The following RPS6KA2 variants were observed in gnomAD, a reference collection of about 807,000 sequenced individuals.
The protein encoded by RPS6KA2 is ribosomal protein S6 kinase alpha-2.
Under a neutral mutation model 91.8 loss-of-function variants are expected in RPS6KA2, and 42 were observed. The observed-to-expected ratio is 0.46, with a 90% CI of 0.36 to 0.59. RPS6KA2 has a LOEUF of 0.59. Among genes scored for constraint, RPS6KA2 ranks in the 20% least tolerant of loss-of-function variants. RPS6KA2 has a pLI of 0.00. For missense variants in RPS6KA2, 798 were observed against 978.5 expected, an observed-to-expected ratio of 0.82 and a Z score of 2.46; for synonymous variants, 414 against 393.6, an observed-to-expected ratio of 1.05 and a Z score of -0.61.
chr6:166,560,675 G>A (rs555512445), intron 1 of RPS6KA2, among the ~76,000 whole-genome samples: 1 of 152,226 alleles, frequency 6.6e-6, no homozygotes, highest in Admixed American at 6.5e-5. Context: ...CGCTTGGTGG[G>A]AGGGGAGGGA....
intron 2 of RPS6KA2, among the ~76,000 whole-genome samples, chr6:166,742,539 C>T (rs796706043): frequency 8.5e-5 from 13 of 152,292 alleles, no homozygotes; most frequent in African/African-American, 2.4e-4. Flanking sequence ...GACACAAACA[C>T]GAGGAGCTGT....
intron 3 of RPS6KA2, among the ~76,000 whole-genome samples, chr6:166,517,458 T>G (rs1782690402): frequency 2.5e-4 from 4 of 16,290 alleles, no homozygotes; most frequent in South Asian, 2.1e-3. Flanking sequence ...TTGTTTTGTT[T>G]TTTTTTTTTT....
In RPS6KA2 at chr6:166,733,864, G is replaced by C. The variant is rs1404822668; in HGVS notation, c.123+124336C>G. On this transcript the variant is annotated intron_variant, in intron 2 of 21. Transcript: ENST00000503859. This position sits in a 1 kb window ranked among gnomAD's most constrained non-coding sequence, Gnocchi z 4.1. ...TATGAGCAGGTTTACAGGCTGAACA[G>C]AGTAAACCAATAGAAAGAGAAATGG... Among the ~76,000 whole-genome samples the C allele has an allele frequency of 6.6e-6, 1 of 152,224 alleles. No individual in the cohort carries two copies. Among genetic ancestry groups the C allele is most frequent in the Non-Finnish European group, 1.5e-5 (1 of 68,034 alleles).
chr6:166,493,460 G>A lies in RPS6KA2; in HGVS notation c.748-2719C>T, dbSNP rs1444697929. ...TTTACAGTAAGACTTTTGCTGTGTT[G>A]CTGAGCAGCACTGAGACTTGCCAAG... On this transcript the variant is annotated intron_variant, in intron 8 of 20. Transcript: ENST00000265678. This position sits in a 1 kb window ranked among gnomAD's most constrained non-coding sequence, Gnocchi z 4.7. 6.6e-6 allele frequency among the ~76,000 whole-genome samples: 1 copy of A among 152,168 alleles called. No homozygotes were observed. The highest frequency in any genetic ancestry group is 1.5e-5 in the Non-Finnish European group (1 of 68,028).
At chr6:166,596,287 G>A (rs148008323) in intron 1 of RPS6KA2, among the ~76,000 whole-genome samples, 34 of 152,342 alleles carry the variant, frequency 2.2e-4, no homozygotes, top group African/African-American at 7.5e-4. Flanking sequence ...TGGATTGAAG[G>A]ATGCAAAGTA....
At chr6:166,728,351 A>T (rs919796253) in intron 2 of RPS6KA2, among the ~76,000 whole-genome samples, 4 of 152,192 alleles carry the variant, frequency 2.6e-5, no homozygotes, top group African/African-American at 9.7e-5. Context: ...AATTCCCATG[A>T]CCTGGACGCA....
chr6:166,718,901 A>G (rs1790095174), intron 2 of RPS6KA2, among the ~76,000 whole-genome samples: 1 of 152,254 alleles, frequency 6.6e-6, no homozygotes, highest in Non-Finnish European at 1.5e-5. Context: ...TTAAAAGTCT[A>G]ACCATTAGAT....
intron 2 of RPS6KA2, among the ~76,000 whole-genome samples, chr6:166,832,036 TGATAGATAGATAGATAGATAGATAGATA>T (rs58214863): frequency 6.8e-6 from 1 of 147,938 alleles, no homozygotes; most frequent in African/African-American, 2.5e-5. Flanking sequence ...AGATGATACA[TGATAGATAGATAGATAGATAGATAGATA>T]GATAGATAGA....
intron 1 of RPS6KA2, among the ~76,000 whole-genome samples, chr6:166,613,237 C>G (rs1265171402): frequency 6.6e-6 from 1 of 152,206 alleles, no homozygotes; most frequent in African/African-American, 2.4e-5. Flanking sequence ...TTTCATAGAC[C>G]TGCTGATTTG....
Position 166,412,765 on chromosome 6 carries a change from C to T in RPS6KA2, c.2199G>A (p.Leu733=). Residue 733 remains leucine (L), a synonymous_variant, in exon 21 of 21, where the codon CTG becomes CTA. Transcript: ENST00000265678. The surrounding 1 kb of genome is among the most constrained non-coding windows in gnomAD (Gnocchi z 4.3). Reference sequence around the variant, plus strand: ...GCTGGGGCCAGGGTCCCACCCGCTACAGCCGCGTGGACGTGAGTCTCTTCA... The same window carrying T: ...GCTGGGGCCAGGGTCCCACCCGCTATAGCCGCGTGGACGTGAGTCTCTTCA... ...RGMKRLTSTR[L] is the part of the protein sequence containing the mutation. 6.3e-7 allele frequency: 1 copy of T among 1,598,752 alleles called. No individual in the cohort carries two copies. Among genetic ancestry groups the T allele is most frequent in the Non-Finnish European group, 8.5e-7 (1 of 1,174,734 alleles).
At chr6:166,682,728 T>A (rs770385972) in intron 2 of RPS6KA2, among the ~76,000 whole-genome samples, 8 of 152,150 alleles carry the variant, frequency 5.3e-5, no homozygotes, top group Non-Finnish European at 8.8e-5. Flanking sequence ...TCGGAAACCA[T>A]GAAATGGAAC....
At chr6:166,848,767 G>C (rs1409731488) in intron 2 of RPS6KA2, among the ~76,000 whole-genome samples, 2 of 151,968 alleles carry the variant, frequency 1.3e-5, no homozygotes, top group Non-Finnish European at 2.9e-5. Context: ...GGTGGGAGGG[G>C]GATGAAGGAT....
chr6:166,666,239 G>A lies in RPS6KA2; in HGVS notation c.124-127455C>T, dbSNP rs539981640. On this transcript the variant is annotated intron_variant, in intron 2 of 21. Transcript: ENST00000503859. This position sits in a 1 kb window ranked among gnomAD's most constrained non-coding sequence, Gnocchi z 4.0. ...CTGCTGTGCATCAGAGAGAGGGGGC[G>A]GGACTGGCATCTTCCCAGCAAAGTA... 2.0e-5 allele frequency among the ~76,000 whole-genome samples: 3 copies of A among 152,242 alleles called. No individual in the cohort carries two copies. Among genetic ancestry groups the A allele is most frequent in the East Asian group, 1.9e-4 (1 of 5,180 alleles).
At chr6:166,502,539 C>A (rs7764416) in intron 6 of RPS6KA2, among the ~76,000 whole-genome samples, 2 of 152,194 alleles carry the variant, frequency 1.3e-5, no homozygotes, top group East Asian at 3.8e-4. Flanking sequence ...AGTGGATGCA[C>A]GGGGAGTGTG....
intron 2 of RPS6KA2, among the ~76,000 whole-genome samples, chr6:166,774,144 G>C (rs1778553226): frequency 6.6e-6 from 1 of 152,184 alleles, no homozygotes; most frequent in Non-Finnish European, 1.5e-5. Flanking sequence ...GGATGACCAA[G>C]ATTCATTTGA....
chr6:166,483,110 G>A (rs1189399581), intron 10 of RPS6KA2, among the ~76,000 whole-genome samples: 2 of 152,178 alleles, frequency 1.3e-5, no homozygotes, highest in Non-Finnish European at 2.9e-5. Flanking sequence ...CGATGGGGCC[G>A]CTTTTATAGG....
At chr6:166,839,608 C>A (rs573570359) in intron 2 of RPS6KA2, among the ~76,000 whole-genome samples, 1 of 141,748 alleles carries the variant, frequency 7.1e-6, no homozygotes, top group East Asian at 2.1e-4. Context: ...TAGTATGGTT[C>A]ACCAATGTAA....
At chr6:166,847,161 C>A (rs571144841) in intron 2 of RPS6KA2, among the ~76,000 whole-genome samples, 2 of 151,330 alleles carry the variant, frequency 1.3e-5, no homozygotes, top group East Asian at 1.9e-4. Flanking sequence ...ACCCCTTTTA[C>A]AAGAGCTGAA....
At chr6:166,431,067 A>G (rs1020047462) in intron 15 of RPS6KA2, among the ~76,000 whole-genome samples, 1 of 152,148 alleles carries the variant, frequency 6.6e-6, no homozygotes, top group African/African-American at 2.4e-5. Flanking sequence ...AGCTGGGATT[A>G]TAGGTGCACG....
Sources: gnomAD v4.1 joint callset for allele counts (sites outside exome capture counted in the v4.1 genomes callset) on GRCh38, gnomAD v4.1.1 for gene constraint, Gnocchi (gnomAD v3.1) non-coding constraint, MANE v1.5 for transcripts, NCBI Gene and HGNC (gene_info 2026-07-23, HGNC 2026-07-21) for gene names.